The following SPECC1L variants were observed in gnomAD, a reference collection of about 807,000 sequenced individuals.
SPECC1L encodes the protein sperm antigen with calponin homology and coiled-coil domains 1 like, also known as cytospin-A.
SPECC1L carries 40 observed loss-of-function variants against 116.8 expected under a neutral mutation model. That is an observed-to-expected ratio of 0.34 (90% CI 0.27 to 0.45). The LOEUF is 0.45. Among genes scored for constraint, SPECC1L ranks in the 20% least tolerant of loss-of-function variants. SPECC1L has a pLI of 1.00. For missense variants in SPECC1L, 1,110 were observed against 1,373.6 expected (o/e 0.81, Z 3.03); for synonymous variants, 504 against 500.6 (o/e 1.01, Z -0.09).
chr22:24,358,309 T>C (rs542363453), intron 11 of SPECC1L, among the ~76,000 whole-genome samples: 21 of 152,096 alleles, frequency 1.4e-4, no homozygotes, highest in African/African-American at 4.8e-4. Flanking sequence ...GGTCTTGCTG[T>C]GTTGCCCAGG....
At chr22:24,313,064 G>GCAGGA in intron 3 of SPECC1L, among the ~76,000 whole-genome samples, 1 of 152,272 alleles carries the variant, frequency 6.6e-6, no homozygotes, top group South Asian at 2.1e-4. Flanking sequence ...TGGACACATA[G>GCAGGA]CAGGCTTCCA....
intron 2 of SPECC1L, among the ~76,000 whole-genome samples, chr22:24,287,837 C>A (rs2072910390): frequency 6.6e-6 from 1 of 152,118 alleles, no homozygotes; most frequent in Non-Finnish European, 1.5e-5. Context: ...TAGTTTCTTT[C>A]CTTCTTGCCG....
intron 2 of SPECC1L, among the ~76,000 whole-genome samples, chr22:24,293,192 A>AT (rs1355783241): frequency 6.6e-6 from 1 of 152,230 alleles, no homozygotes; most frequent in Non-Finnish European, 1.5e-5. Flanking sequence ...ACAGTGGCTC[A>AT]TGCCTGTAAT....
At position 24,373,351 on chromosome 22, in the gene SPECC1L, A is replaced by G. The variant is rs144330396; in HGVS notation, c.3087+4031A>G. On this transcript the variant is annotated intron_variant, in intron 14 of 16. Coordinates refer to ENST00000314328, the MANE Select transcript of SPECC1L (RefSeq NM_015330.6). ...AAGCCAAAAGAACAAAGCTGGAGGCATCACACTACCTGACTTCAAACTATA... is the reference window on the plus strand; with the variant it reads ...AAGCCAAAAGAACAAAGCTGGAGGCGTCACACTACCTGACTTCAAACTATA... 0.01 allele frequency among the ~76,000 whole-genome samples: 1,581 copies of G among 152,380 alleles called. 74 individuals carry two copies. In the South Asian group the frequency reaches 0.12, roughly 11 times the overall value.
chr22:24,378,225 A>G (rs2042004763), intron 14 of SPECC1L, among the ~76,000 whole-genome samples: 1 of 152,140 alleles, frequency 6.6e-6, no homozygotes, highest in African/African-American at 2.4e-5. Flanking sequence ...TCATGAGCCA[A>G]CCTCTGCTAG....
intron 3 of SPECC1L, among the ~76,000 whole-genome samples, chr22:24,308,986 C>T (rs1429405955): frequency 8.5e-5 from 13 of 152,188 alleles, no homozygotes; most frequent in Non-Finnish European, 1.5e-5. Flanking sequence ...ACTCTTTGAG[C>T]ACTTCCTTCA....
Position 24,347,187 on chromosome 22 carries a change from TATGCC to T in SPECC1L, c.2743+14_2743+18del. The T allele has an allele frequency of 6.3e-7, 1 of 1,598,530 alleles. No homozygotes were observed. The highest frequency in any genetic ancestry group is 8.6e-7 in the Non-Finnish European group (1 of 1,165,824). On this transcript the variant is annotated intron_variant, in intron 11 of 16. Transcript: ENST00000314328. Reference sequence around the variant, plus strand: ...AAATCCCTGTTCAAGGTACGTGTAATATGCCATAGCATTTCACCTTTTTTTCAATT... The same window carrying T: ...AAATCCCTGTTCAAGGTACGTGTAATATAGCATTTCACCTTTTTTTCAATT...
chr22:24,353,001 A>G (rs1347816271), intron 11 of SPECC1L, among the ~76,000 whole-genome samples: 2 of 152,212 alleles, frequency 1.3e-5, no homozygotes, highest in Non-Finnish European at 2.9e-5. Context: ...CATGCATATC[A>G]GTATTTATGG....
At chr22:24,327,068 A>T (rs1051430566) in intron 6 of SPECC1L, among the ~76,000 whole-genome samples, 1 of 152,062 alleles carries the variant, frequency 6.6e-6, no homozygotes, top group African/African-American at 2.4e-5. Context: ...TCATGAGGTC[A>T]GGAGTTCAAG....
chr22:24,281,101 C>T (rs1180539296), intron 2 of SPECC1L, among the ~76,000 whole-genome samples: 1 of 152,098 alleles, frequency 6.6e-6, no homozygotes, highest in East Asian at 1.9e-4. Flanking sequence ...AAGAGGAAAC[C>T]ATTTTTGTAA....
rs781050932 is a variant in SPECC1L at position 24,411,719 on chromosome 22, G to C, written c.3204+15G>C. The C allele has an allele frequency of 6.2e-7, 1 of 1,600,170 alleles. No homozygotes were observed. The highest frequency in any genetic ancestry group is 1.1e-5 in the South Asian group (1 of 90,778). On this transcript the variant is annotated intron_variant, in intron 15 of 16. Coordinates refer to ENST00000314328, the MANE Select transcript of SPECC1L (RefSeq NM_015330.6). ...GCCAGGATAAGGTAGGCCATGGAGG[G>C]CCAGCTCCTGGCACCCACCTCACAG...
intron 16 of SPECC1L, among the ~76,000 whole-genome samples, chr22:24,413,903 G>C (rs759963363): frequency 6.6e-6 from 1 of 152,144 alleles, no homozygotes; most frequent in Non-Finnish European, 1.5e-5. Context: ...GTCACTCCCC[G>C]AGCCTTCAGC....
chr22:24,282,505 C>CA (rs1375386419), intron 2 of SPECC1L, among the ~76,000 whole-genome samples: 1 of 152,200 alleles, frequency 6.6e-6, no homozygotes, highest in Non-Finnish European at 1.5e-5. Flanking sequence ...TTTGTAAAGG[C>CA]AGTTTCAATC....
chr22:24,413,239 C>T (rs759616560), intron 16 of SPECC1L, among the ~76,000 whole-genome samples: 46 of 152,260 alleles, frequency 3.0e-4, no homozygotes, highest in Non-Finnish European at 6.2e-4. Flanking sequence ...TGTGGAAACC[C>T]GGCGTGTTCT....
At chr22:24,336,417 A>G (rs1183277054) in intron 9 of SPECC1L, among the ~76,000 whole-genome samples, 1 of 152,086 alleles carries the variant, frequency 6.6e-6, no homozygotes, top group East Asian at 1.9e-4. Context: ...TCTGGGTAAT[A>G]TGATGGGGTA....
intron 14 of SPECC1L, among the ~76,000 whole-genome samples, chr22:24,390,515 C>A (rs1274617431): frequency 1.3e-5 from 2 of 152,130 alleles, no homozygotes; most frequent in Non-Finnish European, 2.9e-5. Context: ...AAGTCTAAAT[C>A]TTTTCATTTT....
chr22:24,307,574 GGTATGTGT>G lies in SPECC1L; in HGVS notation c.153+5193_153+5200del, dbSNP rs769872301. Among the ~76,000 whole-genome samples, 27 of 151,742 alleles carry G rather than the reference GGTATGTGT, an allele frequency of 1.8e-4. 1 individual carries two copies. The highest frequency in any genetic ancestry group is 3.4e-3 in the Middle Eastern group (1 of 292). On this transcript the variant is annotated intron_variant, in intron 3 of 16. Transcript: ENST00000314328. Reference sequence around the variant, plus strand: ...CAATTTATTAATCTTTTCTTTATGGGGTATGTGTGTCTGTGTGTGTATGTGAGTGTGTG... The same window carrying G: ...CAATTTATTAATCTTTTCTTTATGGGGTCTGTGTGTGTATGTGAGTGTGTG...
chr22:24,351,430 C>G (rs554750994), intron 11 of SPECC1L, among the ~76,000 whole-genome samples: 1 of 152,284 alleles, frequency 6.6e-6, no homozygotes, highest in East Asian at 1.9e-4. Context: ...CATTAAGATT[C>G]TATTCCTGGC....
rs757884827 is a variant in SPECC1L, at chr22:24,411,697, A to G, written c.3197A>G (p.Gln1066Arg). The G allele has an allele frequency of 6.2e-7, 1 of 1,612,762 alleles. No homozygotes were observed. Among genetic ancestry groups the G allele is most frequent in the Non-Finnish European group, 8.5e-7 (1 of 1,179,670 alleles). ...ATTCCATATCAAGAACTGAACAGCCAGGATAAGGTAGGCCATGGAGGGCCA... is the reference window on the plus strand; with the variant it reads ...ATTCCATATCAAGAACTGAACAGCCGGGATAAGGTAGGCCATGGAGGGCCA... The part of the protein sequence containing the change: ...AHIPYQELNS[Q>R]DKRRNFMLAF... The change falls in exon 15 of 17, where the codon CAG becomes CGG. Residue 1066 changes from glutamine to arginine, a missense_variant. Transcript: ENST00000314328.
Sources: gnomAD v4.1 joint callset for allele counts (sites outside exome capture counted in the v4.1 genomes callset) on GRCh38, gnomAD v4.1.1 for gene constraint, MANE v1.5 for transcripts, NCBI Gene and HGNC (gene_info 2026-07-23, HGNC 2026-07-21) for gene names.